Variants in PTPRD observed in about 807,000 individuals in gnomAD.
PTPRD encodes protein tyrosine phosphatase receptor type D, also known as receptor-type tyrosine-protein phosphatase delta.
In PTPRD, 34 loss-of-function variants were observed where a neutral mutation model predicts 214.5. The ratio of observed to expected loss-of-function variants is 0.16; its 90% CI spans 0.12 to 0.21. The LOEUF is 0.21. Ranked by LOEUF, PTPRD falls within the 10% of genes least tolerant of loss-of-function variation. The pLI, the probability that PTPRD is intolerant of heterozygous loss-of-function variation, is 1.00. For missense variants in PTPRD, 2,545 were observed against 2,398.7 expected (o/e 1.06, Z -1.27); for synonymous variants, 1,128 against 845.7 (o/e 1.33, Z -5.79).
In PTPRD at chr9:8,708,679, C is replaced by CAAA. The variant is rs765081509; in HGVS notation, c.64+25098_64+25100dup. 2.0e-3 allele frequency among the ~76,000 whole-genome samples: 77 copies of CAAA among 39,292 alleles called. 1 individual carries two copies. The highest frequency in any genetic ancestry group is 4.7e-3 in the East Asian group (5 of 1,058). 25.8% of individuals were successfully genotyped at this position (39,292 alleles called of 152,430 possible). The stretch of plus-strand genomic sequence containing the variant: ...GGGTGACAAGAGCGAGACTCTGTCT[C>CAAA]AAAAAAAAAAAAAAAAAAAAAAAAA... On this transcript the variant is annotated intron_variant, in intron 12 of 45. Coordinates refer to ENST00000381196, the MANE Select transcript of PTPRD (RefSeq NM_002839.4).
chr9:9,540,572 G>T (rs2077377859), intron 8 of PTPRD, among the ~76,000 whole-genome samples: 1 of 151,796 alleles, frequency 6.6e-6, no homozygotes, highest in East Asian at 1.9e-4. Context: ...GTTGAGAAAA[G>T]AAGTGGCAAT....
chr9:8,788,699 A>C (rs1331897370), intron 11 of PTPRD, among the ~76,000 whole-genome samples: 1 of 152,194 alleles, frequency 6.6e-6, no homozygotes, highest in Admixed American at 6.5e-5. Flanking sequence ...ATCAGCCATA[A>C]CTGTTTTCAA....
At chr9:9,890,950 C>G (rs986526879) in intron 5 of PTPRD, among the ~76,000 whole-genome samples, 3 of 152,054 alleles carry the variant, frequency 2.0e-5, no homozygotes, top group African/African-American at 7.2e-5. Context: ...TTTGAGTTCA[C>G]CATATCTACA....
intron 10 of PTPRD, among the ~76,000 whole-genome samples, chr9:9,140,506 G>T (rs923236607): frequency 6.6e-6 from 1 of 152,216 alleles, no homozygotes; most frequent in African/African-American, 2.4e-5. Context: ...GCAACATTCA[G>T]ATGACAACCG....
At chr9:8,319,283 C>T (rs1824893824) in intron 45 of PTPRD, among the ~76,000 whole-genome samples, 1 of 151,972 alleles carries the variant, frequency 6.6e-6, no homozygotes, top group Non-Finnish European at 1.5e-5. Flanking sequence ...ATATCATAAA[C>T]TCTTATTATT....
intron 3 of PTPRD, among the ~76,000 whole-genome samples, chr9:10,067,560 A>G (rs2097908922): frequency 6.6e-6 from 1 of 151,878 alleles, no homozygotes; most frequent in Non-Finnish European, 1.5e-5. Flanking sequence ...ACTTACATAC[A>G]TGATTATTAA....
rs554192843 is a variant in PTPRD, at chr9:9,335,305, C to T, written c.-203+62144G>A. The stretch of plus-strand genomic sequence containing the variant: ...CTGATCATTCTTCCATAATTAGACT[C>T]TTTTGGTGAAGGATAAACTCTGAAT... On this transcript the variant is annotated intron_variant, in intron 9 of 45. Transcript: ENST00000381196. Among the ~76,000 whole-genome samples, 18 of 152,128 alleles carry T rather than the reference C, an allele frequency of 1.2e-4. 1 individual carries two copies. Among genetic ancestry groups the T allele is most frequent in the South Asian group, 1.0e-3 (5 of 4,832 alleles).
chr9:10,281,895 T>G (rs189045007), intron 3 of PTPRD, among the ~76,000 whole-genome samples: 1 of 152,272 alleles, frequency 6.6e-6, no homozygotes, highest in African/African-American at 2.4e-5. Flanking sequence ...TAATACAAAC[T>G]ATTTTAGAAC....
chr9:10,127,760 T>C (rs985462867), intron 3 of PTPRD, among the ~76,000 whole-genome samples: 8 of 152,264 alleles, frequency 5.3e-5, no homozygotes, highest in Non-Finnish European at 8.8e-5. Flanking sequence ...TTCTCATCTC[T>C]AAACTACTGC....
intron 7 of PTPRD, among the ~76,000 whole-genome samples, chr9:9,585,934 G>A (rs543664921): frequency 1.3e-5 from 2 of 152,020 alleles, no homozygotes; most frequent in Non-Finnish European, 2.9e-5. Context: ...CAGAAGTAGA[G>A]CAACCTATGT....
At chr9:8,335,303 T>C (rs537318197) in intron 43 of PTPRD, among the ~76,000 whole-genome samples, 56 of 151,794 alleles carry the variant, frequency 3.7e-4, no homozygotes, top group Non-Finnish European at 6.0e-4. Context: ...CACGATCAAG[T>C]CGGCTTCATC....
intron 6 of PTPRD, among the ~76,000 whole-genome samples, chr9:9,762,144 G>A (rs2098663368): frequency 6.6e-6 from 1 of 152,186 alleles, no homozygotes; most frequent in African/African-American, 2.4e-5. Context: ...AACAGAGGTT[G>A]TCTGACCTGT....
chr9:8,342,084 T>G lies in PTPRD; in HGVS notation c.4662-106A>C, dbSNP rs1324089877. The G allele has an allele frequency of 1.1e-5, 13 of 1,175,512 alleles. No homozygotes were observed. In the Admixed American group the frequency reaches 1.8e-4, roughly 16 times the overall value. The allele number at this position is 1,175,512 out of a possible 1,614,324, so 72.8% of individuals were successfully genotyped here. A position where few individuals can be genotyped will look rare whatever the true frequency, so the allele number is the denominator to read the frequency against. ...ATTAACTAGACCTTACATCCATTAC[T>G]TCTACTCAAATAGCTATTGGGATGA... is the stretch of plus-strand genomic sequence containing the variant. On this transcript the variant is annotated intron_variant, in intron 39 of 45. Transcript: ENST00000381196.
chr9:9,852,769 A>T (rs1417516369), intron 5 of PTPRD, among the ~76,000 whole-genome samples: 1 of 152,212 alleles, frequency 6.6e-6, no homozygotes, highest in Non-Finnish European at 1.5e-5. Context: ...ATTCTAAATT[A>T]TACTATGAGA....
intron 3 of PTPRD, among the ~76,000 whole-genome samples, chr9:10,051,945 C>T (rs934232982): frequency 1.3e-5 from 2 of 151,988 alleles, no homozygotes; most frequent in African/African-American, 4.8e-5. Context: ...AGGCTCCTCT[C>T]TTTTTGTTTT....
At chr9:10,521,278 G>A (rs1421223731) in intron 2 of PTPRD, among the ~76,000 whole-genome samples, 2 of 152,080 alleles carry the variant, frequency 1.3e-5, no homozygotes, top group Non-Finnish European at 2.9e-5. Flanking sequence ...AGAGGTGGTG[G>A]AAACAGCAAA....
At chr9:10,038,179 A>T (rs2154139231) in intron 3 of PTPRD, among the ~76,000 whole-genome samples, 1 of 152,134 alleles carries the variant, frequency 6.6e-6, no homozygotes, top group East Asian at 1.9e-4. Flanking sequence ...CTGTAACTCT[A>T]TTTATTCCTT....
intron 2 of PTPRD, among the ~76,000 whole-genome samples, chr9:10,362,859 G>A (rs958193668): frequency 1.1e-4 from 17 of 152,266 alleles, no homozygotes; most frequent in African/African-American, 3.4e-4. Context: ...CAGCTTGGGC[G>A]ACAGAGTGAG....
At chr9:9,382,663 T>C (rs4584193) in intron 9 of PTPRD, among the ~76,000 whole-genome samples, 33,093 of 151,926 alleles carry the variant, frequency 0.22, 3,763 homozygotes, top group Middle Eastern at 0.37. Flanking sequence ...TAAGTGTCCA[T>C]GAGGGGACAG....
Sources: gnomAD v4.1 joint callset for allele counts (sites outside exome capture counted in the v4.1 genomes callset) on GRCh38, gnomAD v4.1.1 for gene constraint, MANE v1.5 for transcripts, NCBI Gene and HGNC (gene_info 2026-07-23, HGNC 2026-07-21) for gene names.